The following PHTF2 variants were observed in gnomAD, a reference collection of about 807,000 sequenced individuals.
PHTF2 encodes putative homeodomain transcription factor 2, also known as protein PHTF2.
A neutral mutation model predicts 101.2 loss-of-function variants in PHTF2; 60 were observed. That is an observed-to-expected ratio of 0.59 (90% CI 0.48 to 0.73). The LOEUF is 0.73. PHTF2 is among the 30% of genes least tolerant of loss of function. PHTF2 has a pLI of 0.00. For synonymous variants in PHTF2, 311 were observed against 307.3 expected, an observed-to-expected ratio of 1.01 and a Z score of -0.13; for missense variants, 747 against 908.7, an observed-to-expected ratio of 0.82 and a Z score of 2.29.
intron 5 of PHTF2, among the ~76,000 whole-genome samples, chr7:77,900,330 T>G (rs925715634): frequency 2.6e-5 from 4 of 152,140 alleles, no homozygotes; most frequent in Non-Finnish European, 4.4e-5. Flanking sequence ...CACCACACCT[T>G]GAGGTTCCTT....
intron 2 of PHTF2, among the ~76,000 whole-genome samples, chr7:77,850,480 A>G (rs1037668331): frequency 2.0e-5 from 3 of 151,364 alleles, no homozygotes; most frequent in Non-Finnish European, 4.4e-5. Flanking sequence ...CTCTAAAAAA[A>G]ATAGAGAAAA....
At chr7:77,817,636 T>G (rs1450190865) in intron 1 of PHTF2, among the ~76,000 whole-genome samples, 1 of 152,112 alleles carries the variant, frequency 6.6e-6, no homozygotes, top group African/African-American at 2.4e-5. Flanking sequence ...CACACGGGGA[T>G]TGTGGAAACT....
chr7:77,875,203 G>C (rs761602152), intron 3 of PHTF2, among the ~76,000 whole-genome samples: 1 of 152,012 alleles, frequency 6.6e-6, no homozygotes, highest in Non-Finnish European at 1.5e-5. Context: ...CATTCTTCTA[G>C]TCCATGAGCG....
intron 3 of PHTF2, among the ~76,000 whole-genome samples, chr7:77,892,446 A>G (rs1006480917): frequency 2.0e-5 from 3 of 151,698 alleles, no homozygotes; most frequent in Admixed American, 6.6e-5. Flanking sequence ...AAAGGACTTT[A>G]GGGTAAATTA....
At chr7:77,799,436 G>A (rs1792348436) in intron 1 of PHTF2, among the ~76,000 whole-genome samples, 1 of 152,194 alleles carries the variant, frequency 6.6e-6, no homozygotes, top group South Asian at 2.1e-4. Flanking sequence ...GGGCTCGGGA[G>A]GGGGCGGCGG....
At chr7:77,882,495 G>C (rs545911548) in intron 3 of PHTF2, among the ~76,000 whole-genome samples, 4 of 152,058 alleles carry the variant, frequency 2.6e-5, no homozygotes, top group Non-Finnish European at 5.9e-5. Context: ...AAAGAGATTT[G>C]CAAGTGGTTG....
At chr7:77,941,737 C>A (rs771890833) in intron 15 of PHTF2, among the ~76,000 whole-genome samples, 2 of 152,194 alleles carry the variant, frequency 1.3e-5, no homozygotes, top group African/African-American at 2.4e-5. Flanking sequence ...CATCAATCAT[C>A]TTCTACCTCA....
intron 1 of PHTF2, among the ~76,000 whole-genome samples, chr7:77,828,318 C>G (rs1419056450): frequency 6.6e-6 from 1 of 152,138 alleles, no homozygotes; most frequent in Admixed American, 6.5e-5. Flanking sequence ...CCTTTAAGTA[C>G]TTAACAAAAC....
rs1584376004 is a variant in PHTF2 at position 77,815,856 on chromosome 7, CT to C, written c.-36+16886del. Among the ~76,000 whole-genome samples the C allele has an allele frequency of 2.6e-5, 4 of 152,292 alleles. No homozygotes were observed. The South Asian group carries it at 8.3e-4, about 32-fold the overall frequency. ...TAATATTCTCCTTTCTCTACTATTG[CT>C]GTCTGCTGTCTCGGATCTGCTAGGT... On this transcript the variant is annotated intron_variant, in intron 1 of 19. Transcript: ENST00000416283.
intron 16 of PHTF2, among the ~76,000 whole-genome samples, chr7:77,947,125 A>AAACAACAACAAC (rs145896475): frequency 1.4e-3 from 210 of 151,726 alleles, no homozygotes; most frequent in African/African-American, 4.7e-3. Flanking sequence ...CTGTCTTTAA[A>AAACAACAACAAC]AACAACAACA....
chr7:77,885,084 A>T (rs556420502), intron 3 of PHTF2, among the ~76,000 whole-genome samples: 19 of 151,692 alleles, frequency 1.3e-4, no homozygotes, highest in South Asian at 8.3e-4. Context: ...TTTTTTTAAA[A>T]TTTTTTTTTG....
At chr7:77,838,192 T>A (rs1180623722) in intron 1 of PHTF2, among the ~76,000 whole-genome samples, 1 of 152,120 alleles carries the variant, frequency 6.6e-6, no homozygotes, top group Non-Finnish European at 1.5e-5. Flanking sequence ...TACAAGGTGG[T>A]TGAAGTTAAT....
chr7:77,879,316 C>T (rs62462685), intron 3 of PHTF2, among the ~76,000 whole-genome samples: 47,822 of 151,872 alleles, frequency 0.31, 7,799 homozygotes, highest in African/African-American at 0.38. Context: ...AGGACCATAG[C>T]TGGGGAGGAG....
At chr7:77,947,125 AAAC>A (rs145896475) in intron 16 of PHTF2, among the ~76,000 whole-genome samples, 2 of 151,608 alleles carry the variant, frequency 1.3e-5, no homozygotes, top group Admixed American at 6.6e-5. Context: ...CTGTCTTTAA[AAAC>A]AACAACAACA....
chr7:77,883,532 G>A (rs1198368481), intron 3 of PHTF2, among the ~76,000 whole-genome samples: 2 of 151,980 alleles, frequency 1.3e-5, no homozygotes, highest in Non-Finnish European at 2.9e-5. Context: ...GATAATTATG[G>A]CAATGCAAAC....
chr7:77,853,759 G>A (rs1796955930), intron 2 of PHTF2, among the ~76,000 whole-genome samples: 1 of 151,426 alleles, frequency 6.6e-6, no homozygotes, highest in Non-Finnish European at 1.5e-5. Flanking sequence ...AGTATATCTT[G>A]AAGCCCCAGA....
intron 1 of PHTF2, among the ~76,000 whole-genome samples, chr7:77,827,663 G>C (rs1336291009): frequency 6.7e-6 from 1 of 149,730 alleles, no homozygotes; most frequent in Admixed American, 6.7e-5. Context: ...TTTTTTTTGA[G>C]ATGGAGTTTC....
chr7:77,871,496 C>T (rs1260111656), intron 3 of PHTF2, among the ~76,000 whole-genome samples: 1 of 152,058 alleles, frequency 6.6e-6, no homozygotes, highest in South Asian at 2.1e-4. Context: ...GCCAGGAGAA[C>T]GTAATGTCTC....
chr7:77,935,507 G>C (rs574253792), intron 12 of PHTF2, among the ~76,000 whole-genome samples: 2 of 152,298 alleles, frequency 1.3e-5, no homozygotes, highest in South Asian at 4.1e-4. Context: ...TTACAGGCGT[G>C]AGCCACCGCG....
Sources: allele counts gnomAD v4.1 joint callset (sites outside exome capture counted in the v4.1 genomes callset), GRCh38; gene constraint gnomAD v4.1.1; transcripts MANE v1.5; gene names NCBI Gene and HGNC (gene_info 2026-07-23, HGNC 2026-07-21).